WDR26: variants seen among roughly 807,000 people sequenced by gnomAD.
The protein encoded by WDR26 is WD repeat-containing protein 26.
In WDR26, 5 loss-of-function variants were observed where a neutral mutation model predicts 84.1. The ratio of observed to expected loss-of-function variants is 0.06; its 90% CI spans 0.03 to 0.13. The LOEUF (loss-of-function observed/expected upper bound fraction) is 0.13, where lower values mean the gene tolerates loss of function less well. Ranked by LOEUF, WDR26 falls within the 10% of genes least tolerant of loss-of-function variation. The pLI is 1.00. For synonymous variants in WDR26, 415 were observed against 389.6 expected (o/e 1.07, Z -0.77); for missense variants, 642 against 974.9 (o/e 0.66, Z 4.55).
chr1:224,400,750 T>G (rs1158919001), intron 9 of WDR26, among the ~76,000 whole-genome samples, 200 bp downstream of exon 9: 11 of 152,120 alleles, frequency 7.2e-5, no homozygotes, highest in Non-Finnish European at 8.8e-5. Context: ...TTCACCATGT[T>G]GGCCAGACTG....
intron 1 of WDR26, among the ~76,000 whole-genome samples, chr1:224,433,377 G>A (rs1674462501): frequency 6.6e-6 from 1 of 152,076 alleles, no homozygotes; most frequent in Admixed American, 6.5e-5. Flanking sequence ...AGACAATTAA[G>A]CTCTGAAGGT....
In WDR26 at chr1:224,412,754, A is replaced by T. The variant is rs538831052; in HGVS notation, c.1320-1189T>A. 5.9e-5 allele frequency among the ~76,000 whole-genome samples: 9 copies of T among 152,362 alleles called. No individual in the cohort carries two copies. The South Asian group carries it at 1.9e-3, about 32-fold the overall frequency. On this transcript the variant is annotated intron_variant, in intron 6 of 13. Transcript: ENST00000414423. ...ACTACAAGTGGCTATTGAACACTTG[A>T]AATGTGGCCAGTAAGCTGGAGGAAC... is the stretch of plus-strand genomic sequence containing the variant.
chr1:224,434,072 C>A lies in WDR26; in HGVS notation c.334G>T (p.Gly112Cys). The A allele has an allele frequency of 7.1e-7, 1 of 1,416,002 alleles. No homozygotes were observed. Among genetic ancestry groups the A allele is most frequent in the Non-Finnish European group, 9.2e-7 (1 of 1,086,720 alleles). The allele number at this position is 1,416,002 out of a possible 1,614,324, so 87.7% of individuals were successfully genotyped here. A position where few individuals can be genotyped will look rare whatever the true frequency, so the allele number is the denominator to read the frequency against. ...CCTCCTCCACCGCCGCCGCCGCCAC[C>A]TCCTCCTCCTCCTCCTGCCCCATTG... Residue 112 changes from glycine to cysteine, a missense_variant, in exon 1 of 14, where the codon GGT becomes TGT. Physicochemically the swap from Gly to Cys is radical, Grantham distance 159. Coordinates refer to ENST00000414423, the MANE Select transcript of WDR26 (RefSeq NM_001379403.1).
chr1:224,407,147 A>ATATAT (rs1164642480), intron 7 of WDR26, among the ~76,000 whole-genome samples: 7 of 19,466 alleles, frequency 3.6e-4, no homozygotes, highest in African/African-American at 1.2e-3. Flanking sequence ...AAAAAAAAAA[A>ATATAT]AAAAATATAT....
At chr1:224,424,295 C>G (rs1674150446) in intron 4 of WDR26, among the ~76,000 whole-genome samples, 1 of 152,136 alleles carries the variant, frequency 6.6e-6, no homozygotes. Flanking sequence ...ATTTCACAGG[C>G]AATACATATT....
At chr1:224,420,880 G>C (rs1400511551) in intron 4 of WDR26, among the ~76,000 whole-genome samples, 2 of 152,122 alleles carry the variant, frequency 1.3e-5, no homozygotes, top group African/African-American at 4.8e-5. Context: ...TTACAGGCGT[G>C]TGCCACCGTG....
At chr1:224,394,454 C>A (rs763467040) in intron 12 of WDR26, among the ~76,000 whole-genome samples, 1 of 151,666 alleles carries the variant, frequency 6.6e-6, no homozygotes, top group Non-Finnish European at 1.5e-5. Context: ...GTACTTAATG[C>A]ATATTATTTA....
rs1402113316 is a variant in WDR26 at position 224,434,133 on chromosome 1, G to T, written c.273C>A (p.Ser91Arg). 3 of 1,421,746 alleles carry T rather than the reference G, an allele frequency of 2.1e-6. No individual in the cohort carries two copies. The highest frequency in any genetic ancestry group is 2.7e-6 in the Non-Finnish European group (3 of 1,091,576). The allele number at this position is 1,421,746 out of a possible 1,614,324, so 88.1% of individuals were successfully genotyped here. ...TGCTGCCGCTGACCAGGCTGTGGCCGCTACTTCGGTGGGGGACAGCAGCGG... is the reference window on the plus strand; with the variant it reads ...TGCTGCCGCTGACCAGGCTGTGGCCTCTACTTCGGTGGGGGACAGCAGCGG... Residue 91 changes from serine to arginine, a missense_variant, in exon 1 of 14, where the codon AGC becomes AGA. Physicochemically the swap from Ser to Arg is moderately radical, Grantham distance 110 (BLOSUM62 -1). Transcript: ENST00000414423.
At chr1:224,407,151 A>AAAAAAGAATATATATAT in intron 7 of WDR26, among the ~76,000 whole-genome samples, 144 of 11,880 alleles carry the variant, frequency 0.012, 10 homozygotes, top group East Asian at 0.028. Context: ...AAAAAAAAAA[A>AAAAAAGAATATATATAT]ATATATATAT....
intron 3 of WDR26, among the ~76,000 whole-genome samples, chr1:224,427,402 G>A (rs1464776356): frequency 1.3e-5 from 2 of 151,882 alleles, no homozygotes; most frequent in Non-Finnish European, 2.9e-5. Context: ...TGCCCAAAGC[G>A]CTATTTCTCC....
At chr1:224,428,096 A>C (rs1674282957) in intron 3 of WDR26, among the ~76,000 whole-genome samples, 2 of 152,164 alleles carry the variant, frequency 1.3e-5, no homozygotes. Flanking sequence ...TCTCCATTTT[A>C]ATATCTAATA....
At chr1:224,401,702 G>GAAAA (rs5781368) in intron 8 of WDR26, among the ~76,000 whole-genome samples, 5,550 of 96,580 alleles carry the variant, frequency 0.057, 587 homozygotes, top group African/African-American at 0.18. Flanking sequence ...AAAAAAAAAA[G>GAAAA]AAAAAAGAAA....
chr1:224,410,492 C>A (rs935223416), intron 7 of WDR26, among the ~76,000 whole-genome samples: 4 of 151,874 alleles, frequency 2.6e-5, no homozygotes, highest in Admixed American at 6.6e-5. Flanking sequence ...GAACACTTAT[C>A]TGATTTTAGA....
At chr1:224,409,904 T>C (rs1426520596) in intron 7 of WDR26, among the ~76,000 whole-genome samples, 3 of 152,020 alleles carry the variant, frequency 2.0e-5, no homozygotes, top group Non-Finnish European at 4.4e-5. Context: ...TTTCCATCTG[T>C]GGCTCCCTTT....
At chr1:224,394,187 C>CT (rs1326356256) in intron 12 of WDR26, among the ~76,000 whole-genome samples, 174 bp from the exon 13 acceptor site, 1 of 152,114 alleles carries the variant, frequency 6.6e-6, no homozygotes, top group Non-Finnish European at 1.5e-5. Context: ...CAAATATACA[C>CT]TTTTTTCCTG....
At chr1:224,395,351 T>C (rs945237454) in intron 12 of WDR26, among the ~76,000 whole-genome samples, 2 of 152,210 alleles carry the variant, frequency 1.3e-5, no homozygotes, top group Non-Finnish European at 2.9e-5. Context: ...CTTAATGATA[T>C]ATCAGTTAAG....
chr1:224,427,695 G>T (rs149605152), intron 3 of WDR26, among the ~76,000 whole-genome samples: 2 of 152,256 alleles, frequency 1.3e-5, no homozygotes, highest in East Asian at 3.9e-4. Flanking sequence ...AGATCTGTTT[G>T]AAAGAAAATG....
Position 224,433,908 on chromosome 1 carries a change from G to A in WDR26, c.498C>T (p.Ala166=), listed in dbSNP as rs554397105. Residue 166 remains alanine, a synonymous_variant, in exon 1 of 14, where the codon GCC becomes GCT. Transcript: ENST00000414423. ...TCAGGCTGTTGCTATTGTTGCTGGC[G>A]GCGGAGGGGGCGGAAGGCAGGAGCC... 31 of 1,536,668 alleles carry A rather than the reference G, an allele frequency of 2.0e-5. No individual in the cohort carries two copies. The African/African-American group carries it at 3.7e-4, about 18-fold the overall frequency.
At chr1:224,401,690 G>GAAAAAAAAAAA (rs67543360) in intron 8 of WDR26, among the ~76,000 whole-genome samples, 17 of 83,984 alleles carry the variant, frequency 2.0e-4, no homozygotes, top group South Asian at 4.3e-4. Context: ...AAAAAAAAAA[G>GAAAAAAAAAAA]AAAAAAAAAA....
Sources: allele counts gnomAD v4.1 joint callset (sites outside exome capture counted in the v4.1 genomes callset), GRCh38; gene constraint gnomAD v4.1.1; transcripts MANE v1.5; gene names NCBI Gene and HGNC (gene_info 2026-07-23, HGNC 2026-07-21).